CCDC144A: variants seen among roughly 807,000 people sequenced by gnomAD.
The protein encoded by CCDC144A is coiled-coil domain-containing protein 144A.
In CCDC144A, 41 loss-of-function variants were observed where a neutral mutation model predicts 143.8. The ratio of observed to expected loss-of-function variants is 0.29; its 90% CI spans 0.22 to 0.37. CCDC144A has a LOEUF of 0.37. Ranked by LOEUF, CCDC144A falls within the 10% of genes least tolerant of loss-of-function variation. CCDC144A has a pLI of 1.00. For missense variants in CCDC144A, 637 were observed against 1,488.8 expected (o/e 0.43, Z 9.41); for synonymous variants, 242 against 517.9 (o/e 0.47, Z 7.23).
At chr17:16,693,472 C>T (rs1181776545) in intron 2 of CCDC144A, among the ~76,000 whole-genome samples, 2 of 152,004 alleles carry the variant, frequency 1.3e-5, no homozygotes. Flanking sequence ...CCCGCCACCC[C>T]GCCCGGCTAA....
At chr17:16,678,459 C>A in the CCDC144A span, among the ~76,000 whole-genome samples, 1 of 151,998 alleles carries the variant, frequency 6.6e-6, no homozygotes, top group East Asian at 1.9e-4. Flanking sequence ...AACACAAGTC[C>A]CTGAGTTGTT....
chr17:16,728,935 C>T (rs1389472455), intron 9 of CCDC144A, among the ~76,000 whole-genome samples: 5 of 152,256 alleles, frequency 3.3e-5, no homozygotes, highest in East Asian at 3.9e-4. Context: ...CTTCTTATGG[C>T]TGAGTAGTAC....
At chr17:16,764,630 A>G (rs1472601871) in intron 15 of CCDC144A, 2 of 198,666 alleles carry the variant, frequency 1.0e-5, no homozygotes, top group Non-Finnish European at 2.0e-5. Flanking sequence ...ATGGATGTTT[A>G]TTATTTAAAA....
At chr17:16,718,649 A>G (rs2143170935) in intron 6 of CCDC144A, among the ~76,000 whole-genome samples, 1 of 148,584 alleles carries the variant, frequency 6.7e-6, no homozygotes, top group South Asian at 2.2e-4. Flanking sequence ...CACTTAGGCC[A>G]TACTGAATAG....
In CCDC144A at chr17:16,690,541, G is replaced by T. The variant is rs759229691; in HGVS notation, c.141G>T (p.Ser47=). The part of the protein sequence containing the change: ...YLGYPGDQWS[S]GFPYSWWKNS... Reference sequence around the variant, plus strand: ...GCTACCCGGGGGACCAGTGGTCCTCGGGCTTCCCCTACAGCTGGTGGAAAA... The same window carrying T: ...GCTACCCGGGGGACCAGTGGTCCTCTGGCTTCCCCTACAGCTGGTGGAAAA... The change falls in exon 1 of 17, where the codon TCG becomes TCT. Residue 47 remains serine, a synonymous_variant. Transcript: ENST00000399273. The T allele has an allele frequency of 1.9e-6, 3 of 1,613,732 alleles. No individual in the cohort carries two copies. The highest frequency in any genetic ancestry group is 2.5e-6 in the Non-Finnish European group (3 of 1,179,848).
chr17:16,679,816 A>C, the CCDC144A span, among the ~76,000 whole-genome samples: 1 of 151,974 alleles, frequency 6.6e-6, no homozygotes, highest in African/African-American at 2.4e-5. Context: ...TCTCTGGAAT[A>C]AATGCCATGA....
intron 2 of CCDC144A, among the ~76,000 whole-genome samples, chr17:16,701,771 C>T (rs536379110): frequency 1.3e-5 from 2 of 151,660 alleles, no homozygotes; most frequent in East Asian, 1.9e-4. Context: ...TCTCTGTAGA[C>T]GTTTGCCACG....
At chr17:16,743,659 A>G (rs1276272757) in intron 12 of CCDC144A, among the ~76,000 whole-genome samples, 1 of 152,178 alleles carries the variant, frequency 6.6e-6, no homozygotes, top group African/African-American at 2.4e-5. Context: ...CAAGTTATAA[A>G]GGGCATTTTA....
At chr17:16,692,709 G>A (rs1597525923) in intron 1 of CCDC144A, among the ~76,000 whole-genome samples, 1 of 151,716 alleles carries the variant, frequency 6.6e-6, no homozygotes, top group Non-Finnish European at 1.5e-5. Context: ...ATAGCTGCTG[G>A]TAATAGAGCT....
At chr17:16,734,169 A>G (rs1219171721) in intron 11 of CCDC144A, among the ~76,000 whole-genome samples, 1 of 151,730 alleles carries the variant, frequency 6.6e-6, no homozygotes, top group African/African-American at 2.4e-5. Flanking sequence ...GCCTAATATA[A>G]TGCTTAGATT....
upstream of CCDC144A, among the ~76,000 whole-genome samples, chr17:16,687,952 G>T (rs930401375): frequency 1.3e-4 from 19 of 150,568 alleles, no homozygotes; most frequent in African/African-American, 4.6e-4. Flanking sequence ...TACATCTGTG[G>T]CCTTGTGTCT....
the CCDC144A span, among the ~76,000 whole-genome samples, chr17:16,676,331 G>A: frequency 1.3e-5 from 2 of 151,818 alleles, no homozygotes; most frequent in East Asian, 3.9e-4. Context: ...GGCCAACATG[G>A]TGAAACCCTG....
At position 16,690,312 on chromosome 17, in the gene CCDC144A, A is replaced by T. The variant is rs550039009; in HGVS notation, c.-89A>T. 6.4e-4 allele frequency: 674 copies of T among 1,060,412 alleles called. 6 individuals are homozygous for T. In the African/African-American group the frequency reaches 0.01, roughly 16 times the overall value. The allele number at this position is 1,060,412 out of a possible 1,614,324, so 65.7% of individuals were successfully genotyped here. On this transcript the variant is annotated 5_prime_UTR_variant, in exon 1 of 17. Coordinates refer to ENST00000399273, the MANE Select transcript of CCDC144A (RefSeq NM_001382000.1). ...CGTGGCAGTGATCGCTTGGCTTGGC[A>T]TTTCTGGCTTGGCGGTCCTCCTTTC...
chr17:16,706,202 G>C (rs1404491049), intron 3 of CCDC144A: 2 of 149,806 alleles, frequency 1.3e-5, no homozygotes, highest in East Asian at 3.9e-4. Context: ...GAGACTTATT[G>C]AGAATTTGCT....
At chr17:16,703,771 C>T (rs548907148) in intron 2 of CCDC144A, among the ~76,000 whole-genome samples, 3 of 152,274 alleles carry the variant, frequency 2.0e-5, no homozygotes, top group Non-Finnish European at 4.4e-5. Flanking sequence ...CCACTGCACT[C>T]CAGGCTGGGT....
At chr17:16,759,844 C>G (rs1915279010) in intron 12 of CCDC144A, among the ~76,000 whole-genome samples, 1 of 152,214 alleles carries the variant, frequency 6.6e-6, no homozygotes, top group African/African-American at 2.4e-5. Context: ...AATGCAGTGT[C>G]TCAAAACAAC....
intron 1 of CCDC144A, among the ~76,000 whole-genome samples, chr17:16,692,684 C>T (rs921672769): frequency 1.3e-5 from 2 of 151,714 alleles, no homozygotes; most frequent in African/African-American, 4.8e-5. Flanking sequence ...AGAGAAGCAA[C>T]TTGTCAGAGA....
chr17:16,678,284 A>T, the CCDC144A span, among the ~76,000 whole-genome samples: 3 of 152,060 alleles, frequency 2.0e-5, no homozygotes, highest in African/African-American at 7.2e-5. Flanking sequence ...CTGGAAATAA[A>T]GGAAAATCTT....
chr17:16,741,502 A>G (rs1199396866), intron 12 of CCDC144A, among the ~76,000 whole-genome samples: 1 of 152,172 alleles, frequency 6.6e-6, no homozygotes, highest in Non-Finnish European at 1.5e-5. Flanking sequence ...TTCTAACTTA[A>G]TGTTGGAAGC....
Sources: gnomAD v4.1 joint callset for allele counts (sites outside exome capture counted in the v4.1 genomes callset) on GRCh38, gnomAD v4.1.1 for gene constraint, MANE v1.5 for transcripts, NCBI Gene and HGNC (gene_info 2026-07-23, HGNC 2026-07-21) for gene names.